The following ADGRL2 variants were observed in gnomAD, a reference collection of about 807,000 sequenced individuals.
ADGRL2 encodes calcium-independent alpha-latrotoxin receptor 2.
A neutral mutation model predicts 157.4 loss-of-function variants in ADGRL2; 44 were observed. The ratio of observed to expected loss-of-function variants is 0.28; its 90% CI spans 0.22 to 0.36. The LOEUF is 0.36. Among genes scored for constraint, ADGRL2 ranks in the 10% least tolerant of loss-of-function variants. The pLI is 1.00. For missense variants in ADGRL2, 1,510 were observed against 1,768.9 expected, an observed-to-expected ratio of 0.85 and a Z score of 2.63; for synonymous variants, 585 against 624.7, an observed-to-expected ratio of 0.94 and a Z score of 0.95.
chr1:81,933,075 C>T (rs1459809110), intron 3 of ADGRL2, among the ~76,000 whole-genome samples: 1 of 152,136 alleles, frequency 6.6e-6, no homozygotes, highest in Non-Finnish European at 1.5e-5. Context: ...TTGGAAACTA[C>T]TGCTTTCACT....
chr1:81,878,461 C>T (rs2093898266), intron 2 of ADGRL2, among the ~76,000 whole-genome samples: 1 of 152,056 alleles, frequency 6.6e-6, no homozygotes, highest in Non-Finnish European at 1.5e-5. Context: ...ATGAAAAAGG[C>T]ATTTTATGTG....
At chr1:81,814,244 G>A (rs1257882061) in intron 1 of ADGRL2, among the ~76,000 whole-genome samples, 1 of 151,338 alleles carries the variant, frequency 6.6e-6, no homozygotes, top group Non-Finnish European at 1.5e-5. Context: ...CTGCTCCTTT[G>A]TATATACATT....
chr1:81,699,917 G>T (rs1337358630), intron 1 of ADGRL2: 2 of 152,210 alleles, frequency 1.3e-5, no homozygotes, highest in Non-Finnish European at 2.9e-5. Flanking sequence ...AATCTTGCCA[G>T]TGTATTTCAG....
chr1:81,832,710 G>A (rs529205781), intron 1 of ADGRL2, among the ~76,000 whole-genome samples: 2 of 152,324 alleles, frequency 1.3e-5, no homozygotes, highest in East Asian at 1.9e-4. Context: ...ATCTCTGTGA[G>A]CATTGCCAGC....
At chr1:81,890,980 A>G (rs1305409990) in intron 2 of ADGRL2, among the ~76,000 whole-genome samples, 2 of 152,026 alleles carry the variant, frequency 1.3e-5, no homozygotes, top group Admixed American at 1.3e-4. Context: ...GTTGGCAGCC[A>G]TCTTCATTAG....
At chr1:81,704,695 A>G (rs1464170710) in intron 1 of ADGRL2, among the ~76,000 whole-genome samples, 1 of 152,196 alleles carries the variant, frequency 6.6e-6, no homozygotes, top group African/African-American at 2.4e-5. Flanking sequence ...CATGTGGCAA[A>G]TAGAGAATGT....
chr1:81,767,794 G>T (rs1284072106), intron 2 of ADGRL2, among the ~76,000 whole-genome samples: 2 of 149,386 alleles, frequency 1.3e-5, no homozygotes, highest in Non-Finnish European at 3.0e-5. Flanking sequence ...GACAATGGAG[G>T]CTGCAGTGAG....
chr1:81,325,972 T>G (rs1036853595), intron 1 of ADGRL2, among the ~76,000 whole-genome samples: 2 of 152,190 alleles, frequency 1.3e-5, no homozygotes, highest in African/African-American at 4.8e-5. Context: ...GCAATGATTA[T>G]TTTTTTCCCA....
intron 3 of ADGRL2, among the ~76,000 whole-genome samples, chr1:81,924,673 A>G (rs1033323178): frequency 4.6e-5 from 7 of 152,040 alleles, no homozygotes; most frequent in Non-Finnish European, 1.0e-4. Flanking sequence ...TCTTGGAGAA[A>G]ACCCTCAGGT....
Position 81,344,700 on chromosome 1 carries a change from A to G in ADGRL2, c.-302+38191A>G, listed in dbSNP as rs532247317. On this transcript the variant is annotated intron_variant, in intron 1 of 24. Coordinates refer to the ADGRL2 transcript ENST00000370721. ...AAAAAAAAAAAAAAAAGCAGATTAT[A>G]TTTAAAAGTGTGTTTTGTCCAGAAC... Among the ~76,000 whole-genome samples the G allele has an allele frequency of 5.3e-5, 8 of 149,684 alleles. No homozygotes were observed. The South Asian group carries it at 1.1e-3, about 20-fold the overall frequency.
intron 2 of ADGRL2, among the ~76,000 whole-genome samples, chr1:81,527,335 GATAAT>G (rs1557429085): frequency 6.6e-6 from 1 of 152,142 alleles, no homozygotes. Flanking sequence ...TCCCCAATGA[GATAAT>G]ATTAAGAGGG....
chr1:81,655,773 T>G (rs971517384), intron 3 of ADGRL2, among the ~76,000 whole-genome samples: 1 of 151,730 alleles, frequency 6.6e-6, no homozygotes, highest in East Asian at 2.0e-4. Flanking sequence ...AACCATCAGC[T>G]GTGATCTCCC....
intron 1 of ADGRL2, among the ~76,000 whole-genome samples, chr1:81,835,557 A>G (rs1201072192): frequency 6.6e-6 from 1 of 152,130 alleles, no homozygotes; most frequent in Non-Finnish European, 1.5e-5. Flanking sequence ...CTAGTTTTGC[A>G]GGGATGCGTG....
At position 81,955,670 on chromosome 1, in the gene ADGRL2, C is replaced by CTGT. The variant is rs1653280432; in HGVS notation, c.1834-205_1834-203dup. On this transcript the variant is annotated intron_variant, in intron 10 of 23. Coordinates refer to ENST00000686636, the MANE Select transcript of ADGRL2 (RefSeq NM_001366006.2). ...TTACTGTTTGTAATCAAATAGCAGTCTGTTAATCTTCAGTCAGTCCTGTTT... is the reference window on the plus strand; with the variant it reads ...TTACTGTTTGTAATCAAATAGCAGTCTGTTGTTAATCTTCAGTCAGTCCTGTTT... The CTGT allele has an allele frequency of 9.9e-6, 4 of 402,142 alleles. No homozygotes were observed. The East Asian group carries it at 1.5e-4, about 15-fold the overall frequency. 24.9% of individuals were successfully genotyped at this position (402,142 alleles called of 1,614,324 possible). A position where few individuals can be genotyped will look rare whatever the true frequency, so the allele number is the denominator to read the frequency against.
chr1:81,391,442 G>T (rs967629459), intron 1 of ADGRL2, among the ~76,000 whole-genome samples: 1 of 152,310 alleles, frequency 6.6e-6, no homozygotes, highest in Non-Finnish European at 1.5e-5. Context: ...GCATTTGCAG[G>T]AACTGTTTTC....
At chr1:81,505,098 A>T (rs2078942827) in intron 2 of ADGRL2, 4 of 426,308 alleles carry the variant, frequency 9.4e-6, no homozygotes, top group African/African-American at 2.0e-5. Context: ...GAGGAAAGGG[A>T]ATCAAAAGCT....
intron 1 of ADGRL2, among the ~76,000 whole-genome samples, chr1:81,439,165 C>A (rs1424046020): frequency 2.0e-5 from 3 of 152,162 alleles, no homozygotes; most frequent in Non-Finnish European, 4.4e-5. Context: ...GTTATCACTG[C>A]CAAATTTAAC....
chr1:81,863,999 G>A (rs1188091548), intron 2 of ADGRL2, among the ~76,000 whole-genome samples: 4 of 152,146 alleles, frequency 2.6e-5, no homozygotes. Flanking sequence ...GTAATCTATT[G>A]TGGAGGAAGA....
intron 1 of ADGRL2, among the ~76,000 whole-genome samples, chr1:81,714,450 G>A (rs375835226): frequency 7.9e-5 from 12 of 152,130 alleles, no homozygotes; most frequent in African/African-American, 2.7e-4. Context: ...TTCACCTCAA[G>A]CAATCTTTTA....
Sources: allele counts gnomAD v4.1 joint callset (sites outside exome capture counted in the v4.1 genomes callset), GRCh38; gene constraint gnomAD v4.1.1; transcripts MANE v1.5; gene names NCBI Gene and HGNC (gene_info 2026-07-23, HGNC 2026-07-21).